Variants in RPTOR observed in about 807,000 individuals in gnomAD.
The protein encoded by RPTOR is regulatory-associated protein of mTOR.
RPTOR carries 21 observed loss-of-function variants against 169.9 expected under a neutral mutation model. The ratio of observed to expected loss-of-function variants is 0.12; its 90% CI spans 0.09 to 0.18. The LOEUF is 0.18. Among genes scored for constraint, RPTOR ranks in the 10% least tolerant of loss-of-function variants. RPTOR has a pLI of 1.00. For synonymous variants in RPTOR, 732 were observed against 753.2 expected (o/e 0.97, Z 0.46); for missense variants, 1,133 against 1,855.9 (o/e 0.61, Z 7.16).
intron 3 of RPTOR, among the ~76,000 whole-genome samples, chr17:80,688,538 C>T (rs2143733573): frequency 6.6e-6 from 1 of 150,646 alleles, no homozygotes; most frequent in East Asian, 1.9e-4. Flanking sequence ...CTCCAAACAT[C>T]ACAGCCTCAC....
intron 5 of RPTOR, among the ~76,000 whole-genome samples, chr17:80,744,793 C>T (rs1240519878): frequency 8.5e-5 from 8 of 94,560 alleles, no homozygotes; most frequent in South Asian, 2.9e-4. Flanking sequence ...ACTAGCACAG[C>T]CCTGGCTACT....
chr17:80,606,173 G>A (rs1226003557), intron 1 of RPTOR, among the ~76,000 whole-genome samples: 2 of 152,014 alleles, frequency 1.3e-5, no homozygotes, highest in African/African-American at 2.4e-5. Flanking sequence ...CACCATGTCC[G>A]GCTAATTTTT....
At chr17:80,608,165 C>A (rs551597413) in intron 1 of RPTOR, among the ~76,000 whole-genome samples, 1 of 152,334 alleles carries the variant, frequency 6.6e-6, no homozygotes, top group South Asian at 2.1e-4. Flanking sequence ...AGGGTTCCCC[C>A]ACTCCTGCCA....
intron 9 of RPTOR, among the ~76,000 whole-genome samples, chr17:80,832,804 G>C (rs945330238): frequency 4.6e-5 from 7 of 152,200 alleles, no homozygotes; most frequent in African/African-American, 1.7e-4. Context: ...AAAGATAGCA[G>C]AAAAGAGCAT....
intron 7 of RPTOR, among the ~76,000 whole-genome samples, chr17:80,795,828 A>T (rs536339293): frequency 1.3e-5 from 2 of 152,206 alleles, no homozygotes; most frequent in East Asian, 3.9e-4. Context: ...AGGGCATCAC[A>T]CATCCTGACA....
rs764320957 is a variant in RPTOR, at chr17:80,959,559, G to A, written c.3478-519G>A. Reference sequence around the variant, plus strand: ...TCCTGCGTCCCTGGCAGGTGCCATCGCCCCCGCCCCCGCTTCTCCAGCACT... The same window carrying A: ...TCCTGCGTCCCTGGCAGGTGCCATCACCCCCGCCCCCGCTTCTCCAGCACT... On this transcript the variant is annotated intron_variant, in intron 29 of 33. Coordinates refer to ENST00000306801, the MANE Select transcript of RPTOR (RefSeq NM_020761.3). This position sits in a 1 kb window ranked among gnomAD's most constrained non-coding sequence, Gnocchi z 6.7. Among the ~76,000 whole-genome samples the A allele has an allele frequency of 2.0e-4, 31 of 152,082 alleles. No homozygotes were observed. Among genetic ancestry groups the A allele is most frequent in the Non-Finnish European group, 3.5e-4 (24 of 67,992 alleles).
In RPTOR at chr17:80,844,481, C is replaced by T. The variant is rs1032155954; in HGVS notation, c.1213-1992C>T. Among the ~76,000 whole-genome samples, 5 of 152,106 alleles carry T rather than the reference C, an allele frequency of 3.3e-5. No individual in the cohort carries two copies. Among genetic ancestry groups the T allele is most frequent in the South Asian group, 2.1e-4 (1 of 4,816 alleles). On this transcript the variant is annotated intron_variant, in intron 10 of 33. Transcript: ENST00000306801. This position sits in a 1 kb window ranked among gnomAD's most constrained non-coding sequence, Gnocchi z 4.7. ...CTAACTCAGGAGAATTACGTTCTCGCGGGATGTGGAGGAGGGGGTACTTAA... is the reference window on the plus strand; with the variant it reads ...CTAACTCAGGAGAATTACGTTCTCGTGGGATGTGGAGGAGGGGGTACTTAA...
intron 6 of RPTOR, among the ~76,000 whole-genome samples, chr17:80,769,027 G>C (rs769883261): frequency 6.6e-6 from 1 of 152,154 alleles, no homozygotes; most frequent in African/African-American, 2.4e-5. Flanking sequence ...AGATCGAATC[G>C]ATAATGCCTC....
intron 5 of RPTOR, among the ~76,000 whole-genome samples, chr17:80,753,170 G>A (rs1051676301): frequency 1.3e-5 from 2 of 152,208 alleles, no homozygotes; most frequent in Non-Finnish European, 1.5e-5. Context: ...ACTCGGGGAT[G>A]AGTGCTCGCT....
At chr17:80,787,139 A>G (rs564312689) in intron 6 of RPTOR, among the ~76,000 whole-genome samples, 5 of 152,310 alleles carry the variant, frequency 3.3e-5, no homozygotes, top group East Asian at 3.9e-4. Flanking sequence ...CTACATTGCT[A>G]CTATGCATCT....
chr17:80,873,452 A>G (rs1343050868), intron 13 of RPTOR, among the ~76,000 whole-genome samples: 6 of 152,224 alleles, frequency 3.9e-5, no homozygotes, highest in South Asian at 2.1e-4. Context: ...CTAATAATGC[A>G]TGTTTTTGTC....
chr17:80,948,878 A>C (rs1445421820), intron 27 of RPTOR, among the ~76,000 whole-genome samples: 2 of 152,166 alleles, frequency 1.3e-5, no homozygotes, highest in Non-Finnish European at 2.9e-5. Flanking sequence ...CCTGAAGAGC[A>C]GGGCAGTGCG....
At chr17:80,552,720 C>T (rs1317455741) in intron 1 of RPTOR, among the ~76,000 whole-genome samples, 3 of 152,152 alleles carry the variant, frequency 2.0e-5, no homozygotes, top group African/African-American at 4.8e-5. Flanking sequence ...AGGTAACTGA[C>T]GTTTTAGTTG....
At chr17:80,779,351 A>T (rs990110582) in intron 6 of RPTOR, among the ~76,000 whole-genome samples, 7 of 152,220 alleles carry the variant, frequency 4.6e-5, no homozygotes, top group African/African-American at 1.7e-4. Flanking sequence ...TCAACAGGCA[A>T]CTGTTTTGTC....
intron 4 of RPTOR, among the ~76,000 whole-genome samples, chr17:80,719,789 G>A (rs551844417): frequency 4.6e-5 from 7 of 152,282 alleles, no homozygotes; most frequent in African/African-American, 1.7e-4. Flanking sequence ...CCCCAGTCCC[G>A]TAAAATCCGT....
At position 80,876,292 on chromosome 17, in the gene RPTOR, G is replaced by A. The variant is rs1472921502; in HGVS notation, c.1510-4123G>A. ...ACGCAGGGTGTGTGTGTCGCCTGCCGGGTCTTCACACCGAGCCCGTGCCAC... is the reference window on the plus strand; with the variant it reads ...ACGCAGGGTGTGTGTGTCGCCTGCCAGGTCTTCACACCGAGCCCGTGCCAC... On this transcript the variant is annotated intron_variant, in intron 13 of 33. Coordinates refer to ENST00000306801, the MANE Select transcript of RPTOR (RefSeq NM_020761.3). 6.4e-4 allele frequency among the ~76,000 whole-genome samples: 42 copies of A among 65,464 alleles called. 4 individuals are homozygous for A. Among genetic ancestry groups the A allele is most frequent in the African/African-American group, 4.7e-3 (40 of 8,428 alleles). The allele number at this position is 65,464 out of a possible 152,430, so 42.9% of individuals were successfully genotyped here.
At chr17:80,687,203 G>C (rs920586822) in intron 3 of RPTOR, among the ~76,000 whole-genome samples, 1 of 152,192 alleles carries the variant, frequency 6.6e-6, no homozygotes, top group Non-Finnish European at 1.5e-5. Context: ...TCTCCTCACT[G>C]TCTAGTCTTC....
At chr17:80,670,955 G>A (rs996769871) in intron 3 of RPTOR, among the ~76,000 whole-genome samples, 3 of 152,094 alleles carry the variant, frequency 2.0e-5, no homozygotes, top group Admixed American at 2.0e-4. Flanking sequence ...TTGCACACTG[G>A]AACTTATCCT....
intron 1 of RPTOR, among the ~76,000 whole-genome samples, chr17:80,546,187 G>C (rs2084272293): frequency 6.6e-6 from 1 of 152,114 alleles, no homozygotes; most frequent in African/African-American, 2.4e-5. Context: ...ATCCAAGCTG[G>C]GTGAAGTGCA....
Sources: allele counts gnomAD v4.1 joint callset (sites outside exome capture counted in the v4.1 genomes callset), GRCh38; gene constraint gnomAD v4.1.1; non-coding constraint Gnocchi (gnomAD v3.1); transcripts MANE v1.5; gene names NCBI Gene and HGNC (gene_info 2026-07-23, HGNC 2026-07-21).